Variants in GNPTAB observed in about 807,000 individuals in gnomAD.
The protein encoded by GNPTAB is N-acetylglucosamine-1-phosphate transferase subunits alpha and beta.
In GNPTAB, 92 loss-of-function variants were observed where a neutral mutation model predicts 136.6. The ratio of observed to expected loss-of-function variants is 0.67; its 90% CI spans 0.57 to 0.80. The LOEUF (loss-of-function observed/expected upper bound fraction) is 0.80, where lower values mean the gene tolerates loss of function less well. Ranked by LOEUF, GNPTAB falls within the 30% of genes least tolerant of loss-of-function variation. GNPTAB has a pLI of 0.00. For synonymous variants in GNPTAB, 512 were observed against 535.1 expected, an observed-to-expected ratio of 0.96 and a Z score of 0.60; for missense variants, 1,343 against 1,501.8, an observed-to-expected ratio of 0.89 and a Z score of 1.75.
chr12:101,752,884 T>C (rs904214592), intron 19 of GNPTAB, among the ~76,000 whole-genome samples: 2 of 152,192 alleles, frequency 1.3e-5, no homozygotes, highest in South Asian at 2.1e-4. Context: ...TGCAAATAAA[T>C]GTCTTTCAAA....
At chr12:101,776,051 C>A (rs998780389) in intron 7 of GNPTAB, among the ~76,000 whole-genome samples, 14 of 151,960 alleles carry the variant, frequency 9.2e-5, no homozygotes, top group Admixed American at 2.6e-4. Context: ...TATACACACA[C>A]GCTGCTTCCA....
intron 16 of GNPTAB, among the ~76,000 whole-genome samples, chr12:101,758,011 C>T (rs1423619710): frequency 1.3e-5 from 2 of 151,870 alleles, no homozygotes; most frequent in Non-Finnish European, 2.9e-5. Context: ...GGTGAATTCC[C>T]GACCCACAAA....
intron 2 of GNPTAB, among the ~76,000 whole-genome samples, chr12:101,790,962 C>T (rs1435245296): frequency 1.3e-5 from 2 of 151,830 alleles, no homozygotes; most frequent in African/African-American, 4.8e-5. Flanking sequence ...TATGTGTGGC[C>T]CTCTCCTAGA....
Position 101,753,476 on chromosome 12 carries a change from A to G in GNPTAB, c.3498T>C (p.Ala1166=), listed in dbSNP as rs2137102072. Residue 1166 remains alanine (A), a synonymous_variant, in exon 19 of 21, where the codon GCT becomes GCC. Transcript: ENST00000299314. Reference sequence around the variant, plus strand: ...TGGATTCATAGAAGTCCCTGAGAACAGCCTTCACTGTCTGAGCATCTTTAT... The same window carrying G: ...TGGATTCATAGAAGTCCCTGAGAACGGCCTTCACTGTCTGAGCATCTTTAT... ...HNHKDAQTVK[A]VLRDFYESMF... is the part of the protein sequence containing the mutation. 4 of 1,613,780 alleles carry G rather than the reference A, an allele frequency of 2.5e-6. No homozygotes were observed. The highest frequency in any genetic ancestry group is 2.2e-5 in the East Asian group (1 of 44,874).
chr12:101,804,637 C>T (rs899784299), intron 1 of GNPTAB, among the ~76,000 whole-genome samples: 7 of 152,192 alleles, frequency 4.6e-5, no homozygotes, highest in Non-Finnish European at 8.8e-5. Flanking sequence ...AAATTCACTA[C>T]CTTAATCACC....
intron 1 of GNPTAB, among the ~76,000 whole-genome samples, chr12:101,807,678 C>G (rs1228701426): frequency 3.9e-5 from 6 of 152,106 alleles, no homozygotes; most frequent in African/African-American, 1.2e-4. Flanking sequence ...ACCTGTAATC[C>G]CAGCACTTCT....
chr12:101,766,997 A>G (rs1029768030), intron 11 of GNPTAB, among the ~76,000 whole-genome samples: 50 of 152,194 alleles, frequency 3.3e-4, no homozygotes, highest in African/African-American at 1.2e-3. Context: ...ATCAAATGCT[A>G]ATGTTCCAGT....
At chr12:101,827,232 G>A (rs1249692492) in intron 1 of GNPTAB, among the ~76,000 whole-genome samples, 1 of 151,980 alleles carries the variant, frequency 6.6e-6, no homozygotes, top group Non-Finnish European at 1.5e-5. Flanking sequence ...GGGCTCAAGT[G>A]ATCCTCCCAC....
At chr12:101,753,152 G>A (rs1952844954) in intron 19 of GNPTAB, among the ~76,000 whole-genome samples, 1 of 152,016 alleles carries the variant, frequency 6.6e-6, no homozygotes, top group African/African-American at 2.4e-5. Context: ...TACTCAGGAG[G>A]CTGAGGCAGA....
chr12:101,754,829 C>G (rs568003705), intron 18 of GNPTAB, among the ~76,000 whole-genome samples: 1 of 151,684 alleles, frequency 6.6e-6, no homozygotes, highest in South Asian at 2.1e-4. Flanking sequence ...AACTTGTTAA[C>G]TAGGATTCAA....
chr12:101,787,971 A>T (rs931793504), intron 4 of GNPTAB, among the ~76,000 whole-genome samples: 2 of 151,488 alleles, frequency 1.3e-5, no homozygotes, highest in African/African-American at 4.9e-5. Flanking sequence ...CTTCTCTATC[A>T]ATAAGTGTTT....
At chr12:101,773,700 T>C (rs550233682) in intron 7 of GNPTAB, 1 of 152,342 alleles carries the variant, frequency 6.6e-6, no homozygotes, top group Admixed American at 6.5e-5. Flanking sequence ...GTAATATTTA[T>C]ATGTATGAGA....
At position 101,788,531 on chromosome 12, in the gene GNPTAB, GA is replaced by G; in HGVS notation, c.365+16del. On this transcript the variant is annotated intron_variant, in intron 4 of 20. Coordinates refer to ENST00000299314, the MANE Select transcript of GNPTAB (RefSeq NM_024312.5). ...ATCCTTCACTTTTTACTCTTGAGAG[GA>G]AATCAAAATGCTTACCTCTTCTTAG... The G allele has an allele frequency of 6.8e-7, 1 of 1,466,912 alleles. No individual in the cohort carries two copies. The highest frequency in any genetic ancestry group is 9.6e-7 in the Non-Finnish European group (1 of 1,045,768). 90.9% of individuals were successfully genotyped at this position (1,466,912 alleles called of 1,614,324 possible).
At chr12:101,758,121 T>C (rs1952930229) in intron 16 of GNPTAB, among the ~76,000 whole-genome samples, 1 of 150,930 alleles carries the variant, frequency 6.6e-6, no homozygotes, top group Admixed American at 6.6e-5. Flanking sequence ...TTACTGCAAC[T>C]TCCACCTCTC....
intron 7 of GNPTAB, among the ~76,000 whole-genome samples, chr12:101,775,102 A>G (rs1953242293): frequency 1.3e-5 from 2 of 152,212 alleles, no homozygotes; most frequent in South Asian, 2.1e-4. Flanking sequence ...TAAACTGTGA[A>G]TGGTGCAAAG....
intron 2 of GNPTAB, chr12:101,796,123 C>A: frequency 1.5e-6 from 1 of 671,044 alleles, no homozygotes; most frequent in Non-Finnish European, 2.7e-6. Flanking sequence ...TGGGGTTCAG[C>A]CCCAGTGGTT....
chr12:101,802,985 G>A (rs1243144501), intron 1 of GNPTAB, among the ~76,000 whole-genome samples: 2 of 152,026 alleles, frequency 1.3e-5, no homozygotes, highest in East Asian at 3.9e-4. Context: ...GCCAGGACTC[G>A]AAAAGAGTGC....
Position 101,757,651 on chromosome 12 carries a change from C to T in GNPTAB, c.3256G>A (p.Val1086Ile). 2 of 1,537,218 alleles carry T rather than the reference C, an allele frequency of 1.3e-6. No homozygotes were observed. Among genetic ancestry groups the T allele is most frequent in the South Asian group, 2.2e-5 (2 of 89,612 alleles). ...ESYYDPNLPP[V>I]TKSLVTNCKP... Reference sequence around the variant, plus strand: ...CAGTTTGTTACTAGACTTTTAGTGACCGGTGGCTATGAGAAAATATAAGTA... The same window carrying T: ...CAGTTTGTTACTAGACTTTTAGTGATCGGTGGCTATGAGAAAATATAAGTA... Residue 1086 changes from valine (V) to isoleucine (I), a missense_variant, in exon 17 of 21, where the codon GTC becomes ATC. Val to Ile is a conservative substitution (Grantham distance 29). Transcript: ENST00000299314.
intron 11 of GNPTAB, among the ~76,000 whole-genome samples, chr12:101,767,098 A>C (rs1953105838): frequency 6.6e-6 from 1 of 152,228 alleles, no homozygotes; most frequent in Non-Finnish European, 1.5e-5. Flanking sequence ...TCTGACTGAA[A>C]TACAACTTGA....
Sources: gnomAD v4.1 joint callset for allele counts (sites outside exome capture counted in the v4.1 genomes callset) on GRCh38, gnomAD v4.1.1 for gene constraint, MANE v1.5 for transcripts, NCBI Gene and HGNC (gene_info 2026-07-23, HGNC 2026-07-21) for gene names.